SLC26A7: variants seen among roughly 807,000 people sequenced by gnomAD.
SLC26A7 encodes anion exchange transporter.
SLC26A7 carries 59 observed loss-of-function variants against 82.5 expected under a neutral mutation model. That is an observed-to-expected ratio of 0.72 (90% CI 0.58 to 0.89). The LOEUF (loss-of-function observed/expected upper bound fraction) is 0.89. SLC26A7 is among the 40% of genes least tolerant of loss of function. SLC26A7 has a pLI of 0.00. For missense variants in SLC26A7, 820 were observed against 793.0 expected, an observed-to-expected ratio of 1.03 and a Z score of -0.41; for synonymous variants, 271 against 274.3, an observed-to-expected ratio of 0.99 and a Z score of 0.12.
intron 2 of SLC26A7, among the ~76,000 whole-genome samples, chr8:91,277,381 A>C (rs565938253): frequency 1.3e-5 from 2 of 152,322 alleles, no homozygotes; most frequent in East Asian, 1.9e-4. Flanking sequence ...CCCCATTTGC[A>C]TATGCTCCTT....
intron 13 of SLC26A7, among the ~76,000 whole-genome samples, chr8:91,366,031 A>G (rs1460740166): frequency 1.3e-5 from 2 of 152,140 alleles, no homozygotes; most frequent in East Asian, 3.9e-4. Flanking sequence ...CATCCTGGCA[A>G]TCCAGTTCCT....
At chr8:91,315,106 CA>C (rs1163673193) in intron 4 of SLC26A7, among the ~76,000 whole-genome samples, 1 of 152,072 alleles carries the variant, frequency 6.6e-6, no homozygotes, top group African/African-American at 2.4e-5. Context: ...AAGTGGAAAA[CA>C]GAAGGTAAAA....
At chr8:91,393,149 T>G (rs1808455607) in intron 16 of SLC26A7, among the ~76,000 whole-genome samples, 1 of 152,152 alleles carries the variant, frequency 6.6e-6, no homozygotes, top group South Asian at 2.1e-4. Flanking sequence ...ACGCCTAAAT[T>G]TACTTTTACA....
chr8:91,329,919 A>G (rs1398162205), intron 5 of SLC26A7, among the ~76,000 whole-genome samples: 3 of 152,244 alleles, frequency 2.0e-5, no homozygotes, highest in Non-Finnish European at 4.4e-5. Context: ...TAAGCAATGA[A>G]CCCTGTTCCT....
At chr8:91,215,085 A>G (rs1810018050) in intron 1 of SLC26A7, among the ~76,000 whole-genome samples, 1 of 151,992 alleles carries the variant, frequency 6.6e-6, no homozygotes, top group African/African-American at 2.4e-5. Context: ...TTGTGATTAC[A>G]TGGCGCCCAC....
chr8:91,249,612 T>G lies in SLC26A7; in HGVS notation c.-40T>G, dbSNP rs774958854. ...GGTGTTCTGCAATGATTTTTTTTCT[T>G]GTTTAGAGAAGTTTACTTCTACAAG... On this transcript the variant is annotated 5_prime_UTR_variant, in exon 2 of 19. Transcript: ENST00000276609. 2 of 1,449,906 alleles carry G rather than the reference T, an allele frequency of 1.4e-6. No homozygotes were observed. Among genetic ancestry groups the G allele is most frequent in the African/African-American group, 1.5e-5 (1 of 68,648 alleles). The allele number at this position is 1,449,906 out of a possible 1,614,324, so 89.8% of individuals were successfully genotyped here.
At chr8:91,309,681 A>G (rs1212919612) in intron 4 of SLC26A7, among the ~76,000 whole-genome samples, 1 of 151,940 alleles carries the variant, frequency 6.6e-6, no homozygotes, top group African/African-American at 2.4e-5. Context: ...AAAAGAAAAT[A>G]AAGTACACTT....
chr8:91,390,843 C>G (rs1814946588), intron 16 of SLC26A7, among the ~76,000 whole-genome samples: 2 of 152,148 alleles, frequency 1.3e-5, no homozygotes, highest in African/African-American at 2.4e-5. Context: ...GGGCTCACCC[C>G]ATTTGTCCAC....
intron 12 of SLC26A7, among the ~76,000 whole-genome samples, chr8:91,362,778 A>T (rs1288577846): frequency 6.6e-6 from 1 of 152,098 alleles, no homozygotes; most frequent in Admixed American, 6.6e-5. Context: ...AAGTGAAAAG[A>T]GTTAGTAGCT....
chr8:91,313,685 A>G (rs7839164), intron 4 of SLC26A7, among the ~76,000 whole-genome samples: 81,231 of 151,868 alleles, frequency 0.53, 24,532 homozygotes, highest in South Asian at 0.68. Flanking sequence ...ATCATTTCAC[A>G]TCTCTTTACA....
intron 4 of SLC26A7, among the ~76,000 whole-genome samples, chr8:91,299,456 G>A (rs982624619): frequency 6.6e-6 from 1 of 151,342 alleles, no homozygotes; most frequent in African/African-American, 2.4e-5. Context: ...CCTGATAATT[G>A]TGGAGTTTAT....
At chr8:91,243,325 C>T (rs947922066) in intron 2 of SLC26A7, among the ~76,000 whole-genome samples, 12 of 152,196 alleles carry the variant, frequency 7.9e-5, no homozygotes, top group Non-Finnish European at 1.2e-4. Context: ...ACGATGGTGT[C>T]AAGATTTTGG....
chr8:91,238,901 G>A (rs184784800), intron 2 of SLC26A7, among the ~76,000 whole-genome samples: 5 of 152,240 alleles, frequency 3.3e-5, no homozygotes, highest in Admixed American at 3.3e-4. Flanking sequence ...TTAAATACCA[G>A]TTAGTAGAGA....
At chr8:91,230,489 C>A (rs1563635957) in intron 2 of SLC26A7, among the ~76,000 whole-genome samples, 2 of 152,298 alleles carry the variant, frequency 1.3e-5, no homozygotes, top group South Asian at 4.1e-4. Flanking sequence ...TCCCTCTAAT[C>A]GGAAAACAGT....
rs1351463768 is a variant in SLC26A7 at position 91,397,638 on chromosome 8, C to A, written c.*2541C>A. The A allele has an allele frequency of 6.6e-6, 1 of 152,424 alleles. No homozygotes were observed. The highest frequency in any genetic ancestry group is 1.5e-5 in the Non-Finnish European group (1 of 67,914). 9.4% of individuals were successfully genotyped at this position (152,424 alleles called of 1,614,324 possible). On this transcript the variant is annotated 3_prime_UTR_variant, in exon 19 of 19. Transcript: ENST00000276609. ...CCCTTAAATTTCACCATTTGTCTTT[C>A]ATTTTAAAGGTTATTTGCTCCCGAT... is the stretch of plus-strand genomic sequence containing the variant.
intron 9 of SLC26A7, among the ~76,000 whole-genome samples, chr8:91,349,199 A>G (rs1234764155): frequency 6.6e-6 from 1 of 152,162 alleles, no homozygotes; most frequent in Non-Finnish European, 1.5e-5. Flanking sequence ...GACCAAGGGC[A>G]TCAACAATGA....
At chr8:91,263,720 G>T (rs1015424030) in intron 2 of SLC26A7, among the ~76,000 whole-genome samples, 2 of 151,860 alleles carry the variant, frequency 1.3e-5, no homozygotes, top group South Asian at 4.2e-4. Context: ...CTTCTGAAAT[G>T]GATTAAGTCT....
chr8:91,391,236 T>C (rs1814959716), intron 16 of SLC26A7, among the ~76,000 whole-genome samples: 1 of 152,158 alleles, frequency 6.6e-6, no homozygotes, highest in Non-Finnish European at 1.5e-5. Flanking sequence ...GCTTAGTATG[T>C]GGAAGTCACA....
intron 2 of SLC26A7, among the ~76,000 whole-genome samples, chr8:91,280,779 T>G (rs750085387): frequency 7.2e-5 from 11 of 152,218 alleles, no homozygotes; most frequent in Non-Finnish European, 8.8e-5. Context: ...TTGGATCCAG[T>G]CAGCCACCTT....
Sources: gnomAD v4.1 joint callset for allele counts (sites outside exome capture counted in the v4.1 genomes callset) on GRCh38, gnomAD v4.1.1 for gene constraint, MANE v1.5 for transcripts, NCBI Gene and HGNC (gene_info 2026-07-23, HGNC 2026-07-21) for gene names.